The following ALDH1A2 variants were observed in gnomAD, a reference collection of about 807,000 sequenced individuals.
The protein encoded by ALDH1A2 is retinal dehydrogenase 2.
Under a neutral mutation model 60.3 loss-of-function variants are expected in ALDH1A2, and 27 were observed. The ratio of observed to expected loss-of-function variants is 0.45; its 90% CI spans 0.33 to 0.62. ALDH1A2 has a LOEUF of 0.62. Among genes scored for constraint, ALDH1A2 ranks in the 20% least tolerant of loss-of-function variants. ALDH1A2 has a pLI of 0.02. For synonymous variants in ALDH1A2, 289 were observed against 232.4 expected, an observed-to-expected ratio of 1.24 and a Z score of -2.21; for missense variants, 581 against 643.8, an observed-to-expected ratio of 0.90 and a Z score of 1.06.
rs111867822 is a variant in ALDH1A2, at chr15:58,065,584, G to A, written c.67C>T (p.Leu23=). The A allele has an allele frequency of 2.1e-5, 34 of 1,613,308 alleles. No individual in the cohort carries two copies. In the African/African-American group the frequency reaches 3.3e-4, roughly 16 times the overall value. Residue 23 remains leucine, a synonymous_variant, in exon 1 of 13, where the codon CTG becomes TTG. Coordinates refer to ENST00000249750, the MANE Select transcript of ALDH1A2 (RefSeq NM_003888.4). Reference sequence around the variant, plus strand: ...GGCGTGGGCGACGGCAGGAGGTGCAGCGACGCCATGAGGGCGGCGGGGTCG... The same window carrying A: ...GGCGTGGGCGACGGCAGGAGGTGCAACGACGCCATGAGGGCGGCGGGGTCG... The part of the protein sequence containing the change: ...KADPAALMAS[L]HLLPSPTPNL...
At chr15:57,987,933 A>G (rs903788534) in intron 7 of ALDH1A2, among the ~76,000 whole-genome samples, 2 of 152,024 alleles carry the variant, frequency 1.3e-5, no homozygotes, top group Non-Finnish European at 2.9e-5. Flanking sequence ...TTTTTAGACA[A>G]ACAAAAGCTG....
intron 12 of ALDH1A2, among the ~76,000 whole-genome samples, chr15:57,956,382 C>T (rs1000821009): frequency 2.6e-5 from 4 of 152,280 alleles, no homozygotes; most frequent in South Asian, 2.1e-4. Flanking sequence ...AGTCAGTGTA[C>T]GAGTTACTGT....
intron 1 of ALDH1A2, among the ~76,000 whole-genome samples, chr15:58,039,652 T>C (rs1232706145): frequency 6.6e-6 from 1 of 151,828 alleles, no homozygotes; most frequent in African/African-American, 2.4e-5. Flanking sequence ...TTCTTTATAA[T>C]AGAGACATGT....
intron 1 of ALDH1A2, among the ~76,000 whole-genome samples, chr15:58,054,568 A>T (rs1351662150): frequency 6.6e-6 from 1 of 152,138 alleles, no homozygotes; most frequent in Non-Finnish European, 1.5e-5. Flanking sequence ...AAGATGGAAC[A>T]TACCCACCCA....
chr15:58,034,657 GTCTT>G (rs1477162623), intron 1 of ALDH1A2, among the ~76,000 whole-genome samples: 93 of 151,714 alleles, frequency 6.1e-4, no homozygotes, highest in African/African-American at 2.1e-3. Flanking sequence ...ATTTTTGAGA[GTCTT>G]CCTTCTTTAT....
chr15:58,032,664 A>G (rs1896271473), intron 1 of ALDH1A2, among the ~76,000 whole-genome samples: 1 of 152,038 alleles, frequency 6.6e-6, no homozygotes, highest in Admixed American at 6.6e-5. Flanking sequence ...TGATCAAGCA[A>G]TCCCACTATT....
chr15:58,000,916 C>T (rs370814191), intron 4 of ALDH1A2, among the ~76,000 whole-genome samples: 16 of 151,278 alleles, frequency 1.1e-4, no homozygotes, highest in Admixed American at 6.6e-4. Flanking sequence ...GGTTGCTTCA[C>T]AGTTGTCTGC....
chr15:58,023,049 C>G (rs1417947483), intron 1 of ALDH1A2, among the ~76,000 whole-genome samples: 3 of 152,076 alleles, frequency 2.0e-5, no homozygotes, highest in Non-Finnish European at 4.4e-5. Context: ...TATTGACTTT[C>G]AAGAATCTTA....
chr15:58,043,661 C>T (rs1384485583), intron 1 of ALDH1A2, among the ~76,000 whole-genome samples: 1 of 151,818 alleles, frequency 6.6e-6, no homozygotes, highest in Non-Finnish European at 1.5e-5. Context: ...GAAAAGAGTC[C>T]TACAACAGAC....
chr15:58,058,482 A>C (rs1402575708), intron 1 of ALDH1A2, among the ~76,000 whole-genome samples: 2 of 151,804 alleles, frequency 1.3e-5, no homozygotes, highest in African/African-American at 2.4e-5. Context: ...AAAAAAAAAA[A>C]AAAACCTAAG....
At chr15:58,014,352 C>T (rs1423104643) in intron 1 of ALDH1A2, 71 bp from the exon 2 acceptor site, 23 of 1,123,656 alleles carry the variant, frequency 2.0e-5, no homozygotes, top group South Asian at 1.6e-4. Context: ...CCAAGTGTTA[C>T]GGAACTACTA....
At chr15:57,958,214 G>A (rs3925695) in intron 12 of ALDH1A2, among the ~76,000 whole-genome samples, 22 of 151,700 alleles carry the variant, frequency 1.5e-4, no homozygotes, top group African/African-American at 4.1e-4. Flanking sequence ...GTACACGCAC[G>A]CACACACACA....
At chr15:57,996,615 A>G (rs1895074231) in intron 4 of ALDH1A2, among the ~76,000 whole-genome samples, 1 of 151,792 alleles carries the variant, frequency 6.6e-6, no homozygotes, top group African/African-American at 2.4e-5. Flanking sequence ...GGGACATAGA[A>G]GTCACTTTCA....
At chr15:57,967,294 A>G (rs1304999963) in intron 7 of ALDH1A2, among the ~76,000 whole-genome samples, 6 of 151,980 alleles carry the variant, frequency 3.9e-5, no homozygotes. Flanking sequence ...TGTACTTCAG[A>G]ATTATATTTT....
chr15:58,032,181 AATG>A (rs1251901769), intron 1 of ALDH1A2, among the ~76,000 whole-genome samples: 1 of 152,190 alleles, frequency 6.6e-6, no homozygotes. Context: ...AGCCATAAAA[AATG>A]ATGAGTTCAT....
At chr15:57,958,518 G>C (rs1429414167) in intron 12 of ALDH1A2, among the ~76,000 whole-genome samples, 1 of 152,172 alleles carries the variant, frequency 6.6e-6, no homozygotes, top group African/African-American at 2.4e-5. Context: ...TCTCTGTGGG[G>C]AGACCTCGTG....
chr15:58,023,658 G>GGAAAAAAAAA (rs775450508), intron 1 of ALDH1A2, among the ~76,000 whole-genome samples: 16 of 129,420 alleles, frequency 1.2e-4, no homozygotes, highest in African/African-American at 2.6e-4. Context: ...AAAGTGCTGG[G>GGAAAAAAAAA]AAAAAAAAAA....
At chr15:57,964,470 G>A (rs564979950) in intron 8 of ALDH1A2, 6 of 184,340 alleles carry the variant, frequency 3.3e-5, no homozygotes, top group African/African-American at 1.4e-4. Flanking sequence ...CAGGTTGCCA[G>A]ATCCTCTCAA....
chr15:58,050,713 T>C (rs1474346970), intron 1 of ALDH1A2, among the ~76,000 whole-genome samples: 3 of 152,174 alleles, frequency 2.0e-5, no homozygotes, highest in Non-Finnish European at 4.4e-5. Flanking sequence ...GTGAATTTGA[T>C]ACACAGGTTA....
Sources: gnomAD v4.1 joint callset for allele counts (sites outside exome capture counted in the v4.1 genomes callset) on GRCh38, gnomAD v4.1.1 for gene constraint, MANE v1.5 for transcripts, NCBI Gene and HGNC (gene_info 2026-07-23, HGNC 2026-07-21) for gene names.